The following TAF8 variants were observed in gnomAD, a reference collection of about 807,000 sequenced individuals.
TAF8 encodes transcription initiation factor TFIID subunit 8.
Under a neutral mutation model 36.5 loss-of-function variants are expected in TAF8, and 47 were observed. That is an observed-to-expected ratio of 1.29 (90% CI 1.02 to 1.64). The LOEUF (loss-of-function observed/expected upper bound fraction) is 1.64. Among genes scored for constraint, TAF8 ranks in the 40% most tolerant of loss-of-function variants. The pLI is 0.00. For synonymous variants in TAF8, 175 were observed against 159.5 expected, an observed-to-expected ratio of 1.10 and a Z score of -0.73; for missense variants, 420 against 407.6, an observed-to-expected ratio of 1.03 and a Z score of -0.26.
rs115395634 is a variant in TAF8, at chr6:42,076,493, G to C, written c.781-607G>C. ...ACCCTGCCTCATAGGTTGCAGATAG[G>C]CATTACCAATGATGTGCATGTGCTG... On this transcript the variant is annotated intron_variant, in intron 7 of 8. Coordinates refer to ENST00000372977, the MANE Select transcript of TAF8 (RefSeq NM_138572.3). Among the ~76,000 whole-genome samples, 796 of 152,294 alleles carry C rather than the reference G, an allele frequency of 5.2e-3. 12 individuals carry two copies. The highest frequency in any genetic ancestry group is 0.018 in the African/African-American group (767 of 41,564).
Position 42,079,594 on chromosome 6 carries a change from G to A in TAF8, c.*2049G>A, listed in dbSNP as rs571710016. 1,029 of 981,368 alleles carry A rather than the reference G, an allele frequency of 1.0e-3. 1 individual carries two copies. The highest frequency in any genetic ancestry group is 1.3e-3 in the Admixed American group (21 of 16,212). 60.8% of individuals were successfully genotyped at this position (981,368 alleles called of 1,614,324 possible). A position where few individuals can be genotyped will look rare whatever the true frequency, so the allele number is the denominator to read the frequency against. The stretch of plus-strand genomic sequence containing the variant: ...TCCTTTTATTTTGAGACAGGGTCTC[G>A]CTGTGTCGCCCCAGCTGGAGTATAG... On this transcript the variant is annotated 3_prime_UTR_variant, in exon 9 of 9. Coordinates refer to ENST00000372977, the MANE Select transcript of TAF8 (RefSeq NM_138572.3).
chr6:42,062,198 A>G (rs1230968860), intron 5 of TAF8, among the ~76,000 whole-genome samples: 1 of 152,098 alleles, frequency 6.6e-6, no homozygotes, highest in African/African-American at 2.4e-5. Context: ...AGTTTTTTAA[A>G]TAAAATTTTA....
chr6:42,069,132 AAGG>A (rs1223638110), intron 7 of TAF8, among the ~76,000 whole-genome samples: 1 of 152,138 alleles, frequency 6.6e-6, no homozygotes, highest in Non-Finnish European at 1.5e-5. Context: ...TGGAGTGAAC[AAGG>A]AGGAGAACAG....
Position 42,077,107 on chromosome 6 carries a change from C to T in TAF8, c.788C>T (p.Ser263Phe), listed in dbSNP as rs1438320300. Residue 263 changes from serine to phenylalanine, a missense_variant, in exon 8 of 9, where the codon TCT becomes TTT. Transcript: ENST00000372977. ...NLALHISMED[S>F]GAEKENTSVL... Reference sequence around the variant, plus strand: ...TTTGGCTTTTGCTCAAAGGAGGATTCTGGAGCCGAGAAGGAGAACACCTCT... The same window carrying T: ...TTTGGCTTTTGCTCAAAGGAGGATTTTGGAGCCGAGAAGGAGAACACCTCT... The T allele has an allele frequency of 6.2e-7, 1 of 1,612,194 alleles. No homozygotes were observed. The highest frequency in any genetic ancestry group is 8.5e-7 in the Non-Finnish European group (1 of 1,179,004).
intron 7 of TAF8, among the ~76,000 whole-genome samples, chr6:42,075,099 C>A (rs1384185680): frequency 2.6e-5 from 4 of 152,104 alleles, no homozygotes; most frequent in Non-Finnish European, 5.9e-5. Context: ...AAGTGAGCTT[C>A]CAGTAACTTT....
At chr6:42,054,403 T>C (rs971174255) in intron 2 of TAF8, among the ~76,000 whole-genome samples, 5 of 152,206 alleles carry the variant, frequency 3.3e-5, no homozygotes, top group African/African-American at 1.2e-4. Context: ...TTCACAATGT[T>C]GTGCAGCCAT....
intron 1 of TAF8, 196 bp downstream of exon 1, chr6:42,050,782 G>C (rs1162265931): frequency 1.1e-6 from 1 of 916,796 alleles, no homozygotes. Context: ...CCTGTGTCTT[G>C]ATTGGCTCGT....
chr6:42,053,679 A>G (rs1764879823), intron 2 of TAF8, among the ~76,000 whole-genome samples: 1 of 152,224 alleles, frequency 6.6e-6, no homozygotes, highest in Admixed American at 6.5e-5. Flanking sequence ...TAGACTCAGG[A>G]AAACTACCTG....
chr6:42,059,720 C>T (rs1765125084), intron 5 of TAF8, among the ~76,000 whole-genome samples: 1 of 152,188 alleles, frequency 6.6e-6, no homozygotes, highest in Admixed American at 6.5e-5. Flanking sequence ...CTAAGTTTCT[C>T]CCAAAGTTAG....
chr6:42,056,870 T>G (rs1765008487), intron 4 of TAF8, among the ~76,000 whole-genome samples: 1 of 152,130 alleles, frequency 6.6e-6, no homozygotes, highest in Non-Finnish European at 1.5e-5. Flanking sequence ...CCTCTCAGAG[T>G]GCTGGGATTA....
At chr6:42,062,038 CTT>C (rs1479671279) in intron 5 of TAF8, among the ~76,000 whole-genome samples, 4 of 152,178 alleles carry the variant, frequency 2.6e-5, no homozygotes, top group Admixed American at 2.0e-4. Flanking sequence ...GAATCTGTCT[CTT>C]CTCTCCCTCT....
Position 42,072,159 on chromosome 6 carries a change from A to C in TAF8, c.780+3552A>C, listed in dbSNP as rs1027634871. On this transcript the variant is annotated intron_variant, in intron 7 of 8. Transcript: ENST00000372977. Reference sequence around the variant, plus strand: ...GGAGCGTGAGACAGAGCTGGTATCTATCAGGTGCCTGGCATGTGGCAGCTC... The same window carrying C: ...GGAGCGTGAGACAGAGCTGGTATCTCTCAGGTGCCTGGCATGTGGCAGCTC... Among the ~76,000 whole-genome samples, 3 of 152,254 alleles carry C rather than the reference A, an allele frequency of 2.0e-5. No individual in the cohort carries two copies. The East Asian group carries it at 5.8e-4, about 29-fold the overall frequency.
In TAF8 at chr6:42,077,750, A is replaced by G. The variant is rs1221579461; in HGVS notation, c.*205A>G. On this transcript the variant is annotated 3_prime_UTR_variant, in exon 9 of 9. Transcript: ENST00000372977. Reference sequence around the variant, plus strand: ...GGGTTGAGGAAGATATGAACAGAATAATGAGAATTTTTTTTTTTATTTTGA... The same window carrying G: ...GGGTTGAGGAAGATATGAACAGAATGATGAGAATTTTTTTTTTTATTTTGA... 2 of 1,428,976 alleles carry G rather than the reference A, an allele frequency of 1.4e-6. No individual in the cohort carries two copies. The highest frequency in any genetic ancestry group is 1.8e-6 in the Non-Finnish European group (2 of 1,096,230). 88.5% of individuals were successfully genotyped at this position (1,428,976 alleles called of 1,614,324 possible).
At chr6:42,072,984 A>G (rs1262391771) in intron 7 of TAF8, among the ~76,000 whole-genome samples, 3 of 152,140 alleles carry the variant, frequency 2.0e-5, no homozygotes, top group African/African-American at 7.2e-5. Flanking sequence ...CAGCCTCCCA[A>G]AGTGCTGGGA....
chr6:42,085,651 CT>C (rs79374541), downstream of TAF8, among the ~76,000 whole-genome samples: 2,511 of 151,710 alleles, frequency 0.017, 146 homozygotes, highest in East Asian at 0.22. Flanking sequence ...GGCAAGACCC[CT>C]ATCTCCATAA....
chr6:42,055,570 A>G lies in TAF8; in HGVS notation c.242A>G (p.Glu81Gly). 1 of 1,614,210 alleles carries G rather than the reference A, an allele frequency of 6.2e-7. No homozygotes were observed. The highest frequency in any genetic ancestry group is 8.5e-7 in the Non-Finnish European group (1 of 1,180,020). Residue 81 changes from glutamate to glycine, a missense_variant, in exon 3 of 9, where the codon GAG becomes GGG. Coordinates refer to ENST00000372977, the MANE Select transcript of TAF8 (RefSeq NM_138572.3). ...EIGRSAKSYC[E>G]HTARTQPTLS... ...GGGAGAAGTGCCAAGTCTTACTGTG[A>G]GCACACAGCCAGGACCCAGCCCACA...
Position 42,075,834 on chromosome 6 carries a change from G to C in TAF8, c.781-1266G>C, listed in dbSNP as rs79318783. On this transcript the variant is annotated intron_variant, in intron 7 of 8. Transcript: ENST00000372977. ...TTTTTTTCTGTGTCTATACACAACT[G>C]TGACTTTTTAAGAATTTTGATCATA... 6.4e-4 allele frequency among the ~76,000 whole-genome samples: 98 copies of C among 152,290 alleles called. 1 individual carries two copies. In the East Asian group the frequency reaches 0.017, roughly 27 times the overall value.
rs149388480 is a variant in TAF8, at chr6:42,079,279, G to A, written c.*1734G>A. The A allele has an allele frequency of 1.1e-3, 1,104 of 985,526 alleles. 12 individuals carry two copies. In the African/African-American group the frequency reaches 0.016, roughly 15 times the overall value. 61.0% of individuals were successfully genotyped at this position (985,526 alleles called of 1,614,324 possible). A position where few individuals can be genotyped will look rare whatever the true frequency, so the allele number is the denominator to read the frequency against. On this transcript the variant is annotated 3_prime_UTR_variant, in exon 9 of 9. Transcript: ENST00000372977. Reference sequence around the variant, plus strand: ...GGGCAGGAGTGAGCCAAGCTGAGGCGTTCTGCAAGAAGCAGGTCTGAGTCT... The same window carrying A: ...GGGCAGGAGTGAGCCAAGCTGAGGCATTCTGCAAGAAGCAGGTCTGAGTCT...
intron 4 of TAF8, chr6:42,056,427 G>T: frequency 4.5e-6 from 1 of 221,654 alleles, no homozygotes; most frequent in Non-Finnish European, 9.1e-6. Flanking sequence ...ATGCTATAAT[G>T]GCATAGTTTA....
Sources: allele counts gnomAD v4.1 joint callset (sites outside exome capture counted in the v4.1 genomes callset), GRCh38; gene constraint gnomAD v4.1.1; transcripts MANE v1.5; gene names NCBI Gene and HGNC (gene_info 2026-07-23, HGNC 2026-07-21).